TWSG1: variants seen among roughly 807,000 people sequenced by gnomAD.
The protein encoded by TWSG1 is twisted gastrulation BMP signaling modulator 1.
TWSG1 carries 15 observed loss-of-function variants against 23.0 expected under a neutral mutation model. The ratio of observed to expected loss-of-function variants is 0.65; its 90% CI spans 0.44 to 1.00. TWSG1 has a LOEUF of 1.00. TWSG1 is among the 50% of genes least tolerant of loss of function. The pLI is 0.00. For missense variants in TWSG1, 242 were observed against 278.7 expected, an observed-to-expected ratio of 0.87 and a Z score of 0.94; for synonymous variants, 86 against 92.8, an observed-to-expected ratio of 0.93 and a Z score of 0.42.
chr18:9,384,284 G>A (rs2145627239), intron 3 of TWSG1, among the ~76,000 whole-genome samples: 1 of 152,310 alleles, frequency 6.6e-6, no homozygotes, highest in Admixed American at 6.5e-5. Flanking sequence ...TAAGACCCAG[G>A]TATGTTAGGG....
intron 3 of TWSG1, among the ~76,000 whole-genome samples, chr18:9,374,717 T>C (rs1406356997): frequency 6.6e-6 from 1 of 152,168 alleles, no homozygotes; most frequent in Non-Finnish European, 1.5e-5. Context: ...GACAAAGATA[T>C]TACAAGAAAA....
intron 1 of TWSG1, among the ~76,000 whole-genome samples, chr18:9,335,953 T>C (rs2040420953): frequency 6.6e-6 from 1 of 152,156 alleles, no homozygotes; most frequent in Non-Finnish European, 1.5e-5. Context: ...CCTGAAGAAA[T>C]GATATCTTCC....
chr18:9,337,216 T>A lies in TWSG1; in HGVS notation c.-14T>A, dbSNP rs374478736. The A allele has an allele frequency of 1.1e-5, 18 of 1,609,062 alleles. No homozygotes were observed. The African/African-American group carries it at 2.1e-4, about 19-fold the overall frequency. Reference sequence around the variant, plus strand: ...AGTTTCCTGGGAGTTACTGATCATCTTCTTTGAAGAAACATGAAGTTACAC... The same window carrying A: ...AGTTTCCTGGGAGTTACTGATCATCATCTTTGAAGAAACATGAAGTTACAC... On this transcript the variant is annotated 5_prime_UTR_variant, in exon 2 of 5. Transcript: ENST00000262120.
intron 3 of TWSG1, among the ~76,000 whole-genome samples, chr18:9,368,081 A>C (rs1157092632): frequency 6.6e-6 from 1 of 152,182 alleles, no homozygotes; most frequent in East Asian, 1.9e-4. Flanking sequence ...ATTCCCACCA[A>C]CAGCATGCAA....
At chr18:9,383,344 C>T (rs2040668187) in intron 3 of TWSG1, among the ~76,000 whole-genome samples, 1 of 151,848 alleles carries the variant, frequency 6.6e-6, no homozygotes, top group South Asian at 2.1e-4. Context: ...CAGGTGTGCA[C>T]CACCACACCC....
rs1272277214 is a variant in TWSG1, at chr18:9,399,387, A to G, written c.532A>G (p.Ile178Val). Residue 178 changes from isoleucine to valine, a missense_variant, in exon 5 of 5, where the codon ATA becomes GTA. Transcript: ENST00000262120. ...GGTTTATTTTGATGACTGCATGTCC[A>G]TACATCAGTGTAAAATATCCTGTGA... ...TVVYFDDCMS[I>V]HQCKISCESM... 6.2e-6 allele frequency: 10 copies of G among 1,613,602 alleles called. No homozygotes were observed. Among genetic ancestry groups the G allele is most frequent in the Non-Finnish European group, 5.9e-6 (7 of 1,179,922 alleles).
chr18:9,351,600 AAACC>A (rs1456949350), intron 2 of TWSG1, among the ~76,000 whole-genome samples: 1 of 148,756 alleles, frequency 6.7e-6, no homozygotes, highest in African/African-American at 2.5e-5. Context: ...ATTTATGAAG[AAACC>A]CCAGTGTACC....
intron 4 of TWSG1, chr18:9,396,758 G>C: frequency 3.2e-6 from 2 of 634,058 alleles, no homozygotes; most frequent in East Asian, 5.7e-5. Context: ...TCCAATCCTT[G>C]AGTAGATAAA....
intron 2 of TWSG1, among the ~76,000 whole-genome samples, chr18:9,358,751 C>T (rs550900796): frequency 6.6e-6 from 1 of 152,204 alleles, no homozygotes; most frequent in Admixed American, 6.5e-5. Flanking sequence ...ACTATAGAAG[C>T]GATTCAGGTG....
At chr18:9,344,596 A>G (rs2040467487) in intron 2 of TWSG1, among the ~76,000 whole-genome samples, 1 of 148,290 alleles carries the variant, frequency 6.7e-6, no homozygotes, top group Non-Finnish European at 1.5e-5. Flanking sequence ...TGGTGCAATC[A>G]CGGCTAACAG....
intron 3 of TWSG1, among the ~76,000 whole-genome samples, chr18:9,389,186 G>A (rs1406275907): frequency 2.0e-5 from 3 of 152,054 alleles, no homozygotes. Context: ...ATGTTGGTCA[G>A]GCTGGTCTCG....
intron 3 of TWSG1, among the ~76,000 whole-genome samples, chr18:9,368,496 T>C (rs995797768): frequency 3.4e-5 from 5 of 148,966 alleles, no homozygotes; most frequent in Non-Finnish European, 5.9e-5. Flanking sequence ...CCATCACACC[T>C]GGCCATTATT....
At chr18:9,365,715 A>AC (rs1004578674) in intron 3 of TWSG1, among the ~76,000 whole-genome samples, 2 of 151,924 alleles carry the variant, frequency 1.3e-5, no homozygotes, top group African/African-American at 4.8e-5. Flanking sequence ...AAAGAAAAAA[A>AC]CTAGGCCAGG....
intron 2 of TWSG1, among the ~76,000 whole-genome samples, chr18:9,343,763 T>C (rs1012263687): frequency 2.6e-5 from 4 of 152,242 alleles, no homozygotes; most frequent in Non-Finnish European, 5.9e-5. Flanking sequence ...TCAAATAATA[T>C]TCTGCTGAAT....
intron 3 of TWSG1, among the ~76,000 whole-genome samples, chr18:9,363,715 T>A (rs948209607): frequency 1.3e-5 from 2 of 152,204 alleles, no homozygotes; most frequent in African/African-American, 2.4e-5. Flanking sequence ...AACCTCCACC[T>A]CCTGAGTTCA....
intron 2 of TWSG1, among the ~76,000 whole-genome samples, chr18:9,355,178 G>A (rs184651634): frequency 1.8e-4 from 28 of 152,200 alleles, no homozygotes; most frequent in Admixed American, 1.0e-3. Context: ...GGATGGTCTC[G>A]ATCTCCTGAC....
In TWSG1 at chr18:9,340,663, A is replaced by T. The variant is rs192375720; in HGVS notation, c.123+3311A>T. Among the ~76,000 whole-genome samples the T allele has an allele frequency of 1.4e-3, 213 of 152,272 alleles. 1 individual carries two copies. The highest frequency in any genetic ancestry group is 5.0e-3 in the African/African-American group (207 of 41,550). On this transcript the variant is annotated intron_variant, in intron 2 of 4. Transcript: ENST00000262120. Reference sequence around the variant, plus strand: ...TGAGCAGGGCTCTGCGGAAGAGTTCATCTCTGTTCCACGTGGCATTAGCAA... The same window carrying T: ...TGAGCAGGGCTCTGCGGAAGAGTTCTTCTCTGTTCCACGTGGCATTAGCAA...
At chr18:9,364,446 T>C (rs10853378) in intron 3 of TWSG1, among the ~76,000 whole-genome samples, 111,652 of 151,460 alleles carry the variant, frequency 0.74, 41,367 homozygotes, top group Middle Eastern at 0.82. Flanking sequence ...GCCTTTCACC[T>C]GGTGATTTCA....
intron 3 of TWSG1, among the ~76,000 whole-genome samples, chr18:9,390,782 C>G (rs531038269): frequency 6.6e-6 from 1 of 152,264 alleles, no homozygotes; most frequent in South Asian, 2.1e-4. Context: ...AAATCTGAGA[C>G]AGAAGGATAG....
Sources: gnomAD v4.1 joint callset for allele counts (sites outside exome capture counted in the v4.1 genomes callset) on GRCh38, gnomAD v4.1.1 for gene constraint, MANE v1.5 for transcripts, NCBI Gene and HGNC (gene_info 2026-07-23, HGNC 2026-07-21) for gene names.